Variants in HELLS observed in about 807,000 individuals in gnomAD.
HELLS encodes helicase, lymphoid specific.
Under a neutral mutation model 120.0 loss-of-function variants are expected in HELLS, and 32 were observed. The ratio of observed to expected loss-of-function variants is 0.27; its 90% CI spans 0.20 to 0.36. HELLS has a LOEUF of 0.36. Ranked by LOEUF, HELLS falls within the 10% of genes least tolerant of loss-of-function variation. The pLI is 1.00. For synonymous variants in HELLS, 341 were observed against 323.4 expected, an observed-to-expected ratio of 1.05 and a Z score of -0.58; for missense variants, 650 against 993.4, an observed-to-expected ratio of 0.65 and a Z score of 4.65.
At chr10:94,598,606 GTTTT>G (rs58356300) in intron 21 of HELLS, among the ~76,000 whole-genome samples, 1 of 139,160 alleles carries the variant, frequency 7.2e-6, no homozygotes, top group East Asian at 2.0e-4. Context: ...TTGGTTGGAA[GTTTT>G]TTTTTTTTTT....
intron 10 of HELLS, 137 bp downstream of exon 10, chr10:94,576,942 C>T (rs1482982176): frequency 1.4e-6 from 1 of 690,430 alleles, no homozygotes; most frequent in South Asian, 2.1e-5. Flanking sequence ...GTGCATATAC[C>T]TGTAGAAGCT....
intron 6 of HELLS, among the ~76,000 whole-genome samples, chr10:94,567,082 G>T (rs150585234): frequency 6.6e-6 from 1 of 152,198 alleles, no homozygotes; most frequent in East Asian, 1.9e-4. Context: ...ACTTGCTGAA[G>T]AATCTCTAAA....
intron 9 of HELLS, among the ~76,000 whole-genome samples, chr10:94,609,177 C>A (rs1352801339): frequency 6.6e-6 from 1 of 152,040 alleles, no homozygotes; most frequent in Non-Finnish European, 1.5e-5. Flanking sequence ...GCATGTGCCA[C>A]CACGCCCGGC....
At chr10:94,546,026 G>A in intron 1 of HELLS, 74 bp downstream of exon 1, 1 of 1,505,734 alleles carries the variant, frequency 6.6e-7, no homozygotes, top group South Asian at 1.2e-5. Flanking sequence ...AGGCTGCGGC[G>A]GAGTTTCGGG....
intron 3 of HELLS, 107 bp downstream of exon 3, chr10:94,554,355 T>TCCA (rs1211814417): frequency 1.4e-5 from 10 of 735,414 alleles, no homozygotes; most frequent in South Asian, 2.9e-5. Context: ...AAGTGTACGG[T>TCCA]TTGCTGAGTT....
chr10:94,589,967 G>A (rs182124880), intron 13 of HELLS, among the ~76,000 whole-genome samples: 136 of 152,090 alleles, frequency 8.9e-4, no homozygotes, highest in African/African-American at 2.9e-3. Context: ...GTTTACAGGC[G>A]TGAGCCACCG....
chr10:94,613,097 C>T (rs1374663347), exon 10 of HELLS: 1 of 152,190 alleles, frequency 6.6e-6, no homozygotes, highest in Non-Finnish European at 1.5e-5. Flanking sequence ...AACTTATTCA[C>T]TTACAGAACT....
chr10:94,588,560 T>TG (rs1364209236), intron 13 of HELLS, among the ~76,000 whole-genome samples, 170 bp downstream of exon 13: 2 of 152,148 alleles, frequency 1.3e-5, no homozygotes. Flanking sequence ...TGTATTTTTT[T>TG]GTAGAGACTG....
chr10:94,585,385 G>GTTTTTTTTTTTTTTTTTTTTTT (rs10540229), intron 12 of HELLS, among the ~76,000 whole-genome samples: 2 of 122,012 alleles, frequency 1.6e-5, no homozygotes, highest in South Asian at 2.4e-4. Context: ...GTTTGTTTTT[G>GTTTTTTTTTTTTTTTTTTTTTT]TTTTTTTTTT....
chr10:94,583,459 A>G (rs1164522640), intron 12 of HELLS, among the ~76,000 whole-genome samples: 1 of 152,148 alleles, frequency 6.6e-6, no homozygotes, highest in African/African-American at 2.4e-5. Flanking sequence ...TTAGAGAAAC[A>G]TTATCTTTCA....
At chr10:94,597,746 T>A (rs528802659) in intron 21 of HELLS, among the ~76,000 whole-genome samples, 1 of 152,298 alleles carries the variant, frequency 6.6e-6, no homozygotes, top group Admixed American at 6.5e-5. Context: ...TTGGCCAGGC[T>A]GGTCTTGAAC....
chr10:94,552,338 T>C (rs185770024), intron 2 of HELLS, among the ~76,000 whole-genome samples: 33 of 152,342 alleles, frequency 2.2e-4, no homozygotes, highest in African/African-American at 7.9e-4. Flanking sequence ...TTAGTGCTGT[T>C]GCTGAGGCCA....
In HELLS at chr10:94,592,304, G is replaced by A; in HGVS notation, c.1843G>A (p.Gly615Ser). The change falls in exon 16 of 22, where the codon GGT (glycine) becomes AGT (serine). Residue 615 changes from glycine to serine, a missense_variant. By Grantham distance (56) the Gly-to-Ser change is moderately conservative. Coordinates refer to ENST00000348459, the MANE Select transcript of HELLS (RefSeq NM_018063.5). Reference protein sequence around the residue: ...DRMLPELKKRGHKVLLFSQMT... With the variant: ...DRMLPELKKRSHKVLLFSQMT... Reference sequence around the variant, plus strand: ...AATGCTGCCAGAACTAAAAAAAAGAGGTCACAAGGTGGTACTTTTGATTGG... The same window carrying A: ...AATGCTGCCAGAACTAAAAAAAAGAAGTCACAAGGTGGTACTTTTGATTGG... The A allele has an allele frequency of 1.9e-6, 3 of 1,607,028 alleles. No individual in the cohort carries two copies. The highest frequency in any genetic ancestry group is 2.5e-6 in the Non-Finnish European group (3 of 1,177,068).
chr10:94,585,366 T>TG (rs1326576449), intron 12 of HELLS, among the ~76,000 whole-genome samples: 2 of 142,380 alleles, frequency 1.4e-5, no homozygotes, highest in African/African-American at 5.2e-5. Flanking sequence ...TGTTTTGTTT[T>TG]TTTTTTTTGT....
intron 9 of HELLS, among the ~76,000 whole-genome samples, chr10:94,575,607 G>A (rs1368182654): frequency 6.6e-6 from 1 of 152,030 alleles, no homozygotes; most frequent in Admixed American, 6.6e-5. Flanking sequence ...TATTTTGGTA[G>A]AGACAGGATT....
intron 12 of HELLS, among the ~76,000 whole-genome samples, chr10:94,587,263 CTT>C (rs906635370): frequency 6.6e-6 from 1 of 151,960 alleles, no homozygotes; most frequent in Admixed American, 6.6e-5. Flanking sequence ...TTTAAAAAAA[CTT>C]TTAGTTTTTT....
At chr10:94,590,929 T>C (rs973372873) in intron 15 of HELLS, among the ~76,000 whole-genome samples, 153 bp downstream of exon 15, 1 of 152,238 alleles carries the variant, frequency 6.6e-6, no homozygotes, top group African/African-American at 2.4e-5. Flanking sequence ...GACAGTCTTC[T>C]TTCCGAAATT....
chr10:94,562,650 G>T (rs1156298272), intron 4 of HELLS, 41 bp from the exon 5 acceptor site: 1 of 1,388,148 alleles, frequency 7.2e-7, no homozygotes, highest in South Asian at 1.2e-5. Flanking sequence ...ATACTATGAA[G>T]GTCCTTAATA....
intron 9 of HELLS, among the ~76,000 whole-genome samples, chr10:94,609,054 G>A (rs1018581625): frequency 3.0e-4 from 32 of 105,380 alleles, no homozygotes; most frequent in African/African-American, 1.0e-3. Flanking sequence ...ATGGAGTTTC[G>A]CTCTTACTGC....
Sources: allele counts gnomAD v4.1 joint callset (sites outside exome capture counted in the v4.1 genomes callset), GRCh38; gene constraint gnomAD v4.1.1; transcripts MANE v1.5; gene names NCBI Gene and HGNC (gene_info 2026-07-23, HGNC 2026-07-21).